CD84: variants seen among roughly 807,000 people sequenced by gnomAD.
The protein encoded by CD84 is SLAM family member 5.
CD84 carries 22 observed loss-of-function variants against 33.8 expected under a neutral mutation model. The observed-to-expected ratio is 0.65, with a 90% CI of 0.46 to 0.93. The LOEUF (loss-of-function observed/expected upper bound fraction) is 0.93. Among genes scored for constraint, CD84 ranks in the 40% least tolerant of loss-of-function variants. The pLI is 0.00. For synonymous variants in CD84, 154 were observed against 145.2 expected (o/e 1.06, Z -0.44); for missense variants, 400 against 397.6 (o/e 1.01, Z -0.05).
intron 2 of CD84, among the ~76,000 whole-genome samples, chr1:160,557,050 T>C (rs1381786448): frequency 1.3e-5 from 2 of 152,182 alleles, no homozygotes; most frequent in Middle Eastern, 3.2e-3. Context: ...GATTAAAAAA[T>C]TAATGATTAC....
chr1:160,566,708 A>C (rs74124871), intron 1 of CD84, among the ~76,000 whole-genome samples: 7,580 of 152,282 alleles, frequency 0.05, 639 homozygotes, highest in African/African-American at 0.17. Context: ...GGCACAAAAT[A>C]TGTAAGCATT....
At chr1:160,560,978 A>C (rs1306714090) in intron 2 of CD84, among the ~76,000 whole-genome samples, 1 of 152,140 alleles carries the variant, frequency 6.6e-6, no homozygotes, top group Non-Finnish European at 1.5e-5. Context: ...ACCAATAACA[A>C]GTTCTGAAAT....
At chr1:160,575,524 C>A (rs1009179382) in intron 1 of CD84, among the ~76,000 whole-genome samples, 2 of 151,318 alleles carry the variant, frequency 1.3e-5, no homozygotes, top group Non-Finnish European at 2.9e-5. Context: ...CACACACACA[C>A]AAAATCTCAA....
At chr1:160,570,486 T>G (rs1657623284) in intron 1 of CD84, among the ~76,000 whole-genome samples, 1 of 152,206 alleles carries the variant, frequency 6.6e-6, no homozygotes, top group Non-Finnish European at 1.5e-5. Context: ...TCCTGCTTTC[T>G]TCTAGCTAAC....
chr1:160,560,990 G>A (rs529428709), intron 2 of CD84, among the ~76,000 whole-genome samples: 1 of 152,218 alleles, frequency 6.6e-6, no homozygotes, highest in South Asian at 2.1e-4. Flanking sequence ...TTCTGAAATT[G>A]AGGCAGTACT....
rs1191133105 is a variant in CD84, at chr1:160,545,647, T to C, written c.*2609A>G. The C allele has an allele frequency of 6.6e-6, 1 of 152,250 alleles. No individual in the cohort carries two copies. The highest frequency in any genetic ancestry group is 1.9e-4 in the East Asian group (1 of 5,198). The allele number at this position is 152,250 out of a possible 1,614,324, so 9.4% of individuals were successfully genotyped here. ...ATTATTTTATTTTATTTTTATTTTT[T>C]GAGACATGGTCTCACTCTGTTGCCC... On this transcript the variant is annotated 3_prime_UTR_variant, in exon 7 of 7. Coordinates refer to ENST00000368054, the MANE Select transcript of CD84 (RefSeq NM_003874.4).
chr1:160,550,262 G>A (rs1243280413), intron 5 of CD84, among the ~76,000 whole-genome samples: 1 of 152,052 alleles, frequency 6.6e-6, no homozygotes, highest in Non-Finnish European at 1.5e-5. Context: ...GCTCAGTCAG[G>A]ATTTTAGCTT....
At chr1:160,574,535 A>G (rs1657882882) in intron 1 of CD84, among the ~76,000 whole-genome samples, 1 of 152,094 alleles carries the variant, frequency 6.6e-6, no homozygotes, top group Non-Finnish European at 1.5e-5. Context: ...CACTTTGAGG[A>G]ATTATTAGGA....
At chr1:160,568,398 G>A (rs1207588864) in intron 1 of CD84, among the ~76,000 whole-genome samples, 1 of 152,090 alleles carries the variant, frequency 6.6e-6, no homozygotes, top group Non-Finnish European at 1.5e-5. Flanking sequence ...TGTGCTGCTG[G>A]TGTTGTTGGC....
intron 1 of CD84, among the ~76,000 whole-genome samples, chr1:160,571,725 C>G (rs1273620671): frequency 2.0e-5 from 3 of 152,088 alleles, no homozygotes; most frequent in Non-Finnish European, 4.4e-5. Context: ...TGGGCCTGCT[C>G]TAGGTTAGAT....
At chr1:160,571,145 G>C (rs182271412) in intron 1 of CD84, 59 of 152,172 alleles carry the variant, frequency 3.9e-4, no homozygotes, top group African/African-American at 1.3e-3. Context: ...TCTTATTTTA[G>C]TGTCTCTGGT....
chr1:160,560,837 CAAACAACCATCAGAGAATACTAT>C (rs1431928934), intron 2 of CD84, among the ~76,000 whole-genome samples: 3 of 152,080 alleles, frequency 2.0e-5, no homozygotes, highest in Non-Finnish European at 2.9e-5. Context: ...CAAAGCAATA[CAAACAACCATCAGAGAATACTAT>C]AAATATCTCT....
At chr1:160,578,157 T>A (rs1658083050) in intron 1 of CD84, among the ~76,000 whole-genome samples, 1 of 152,208 alleles carries the variant, frequency 6.6e-6, no homozygotes, top group African/African-American at 2.4e-5. Flanking sequence ...TTATTATTTT[T>A]CTTGCATAAT....
intron 2 of CD84, among the ~76,000 whole-genome samples, chr1:160,563,555 A>G (rs978828116): frequency 1.3e-5 from 2 of 152,046 alleles, no homozygotes; most frequent in Admixed American, 1.3e-4. Context: ...ATGAGAACAC[A>G]TGGAGGGGAA....
chr1:160,573,533 G>A (rs956725121), intron 1 of CD84, among the ~76,000 whole-genome samples: 3 of 152,116 alleles, frequency 2.0e-5, no homozygotes, highest in Admixed American at 2.0e-4. Context: ...TAGAGCTTTT[G>A]CACCTGTTGT....
Position 160,542,327 on chromosome 1 carries a change from G to A in CD84, c.*5929C>T, listed in dbSNP as rs1392980311. On this transcript the variant is annotated 3_prime_UTR_variant, in exon 7 of 7. Transcript: ENST00000368054. ...CAGGGAATAGTACATAGTAGGCACT[G>A]GATAAATGTTAATTATTTTGATTAT... 1 of 152,150 alleles carries A rather than the reference G, an allele frequency of 6.6e-6. No individual in the cohort carries two copies. Among genetic ancestry groups the A allele is most frequent in the Non-Finnish European group, 1.5e-5 (1 of 68,024 alleles). The allele number at this position is 152,150 out of a possible 1,614,324, so 9.4% of individuals were successfully genotyped here. A position where few individuals can be genotyped will look rare whatever the true frequency, so the allele number is the denominator to read the frequency against.
At chr1:160,560,693 A>T (rs1299085419) in intron 2 of CD84, among the ~76,000 whole-genome samples, 1 of 152,180 alleles carries the variant, frequency 6.6e-6, no homozygotes, top group Admixed American at 6.5e-5. Context: ...TCAAAAAATC[A>T]ACAAATCCAG....
At chr1:160,551,741 C>T (rs1230478785) in intron 4 of CD84, among the ~76,000 whole-genome samples, 1 of 152,176 alleles carries the variant, frequency 6.6e-6, no homozygotes, top group Non-Finnish European at 1.5e-5. Flanking sequence ...GACAGGGTTT[C>T]ACCATGTTGC....
intron 2 of CD84, among the ~76,000 whole-genome samples, chr1:160,562,375 G>A (rs1023554821): frequency 6.6e-6 from 1 of 152,086 alleles, no homozygotes; most frequent in Non-Finnish European, 1.5e-5. Context: ...TACAAAAACA[G>A]ACACATAGAC....
Sources: gnomAD v4.1 joint callset for allele counts (sites outside exome capture counted in the v4.1 genomes callset) on GRCh38, gnomAD v4.1.1 for gene constraint, MANE v1.5 for transcripts, NCBI Gene and HGNC (gene_info 2026-07-23, HGNC 2026-07-21) for gene names.